DGKI: variants seen among roughly 807,000 people sequenced by gnomAD.
DGKI encodes the protein diacylglycerol kinase iota.
In DGKI, 55 loss-of-function variants were observed where a neutral mutation model predicts 147.5. That is an observed-to-expected ratio of 0.37 (90% CI 0.30 to 0.47). The LOEUF is 0.47. Among genes scored for constraint, DGKI ranks in the 20% least tolerant of loss-of-function variants. DGKI has a pLI of 1.00. For synonymous variants in DGKI, 469 were observed against 477.1 expected, an observed-to-expected ratio of 0.98 and a Z score of 0.22; for missense variants, 1,007 against 1,323.8, an observed-to-expected ratio of 0.76 and a Z score of 3.71.
At chr7:137,434,600 CA>C (rs1282849822) in intron 28 of DGKI, among the ~76,000 whole-genome samples, 3 of 151,782 alleles carry the variant, frequency 2.0e-5, no homozygotes, top group Non-Finnish European at 4.4e-5. Context: ...CAAAAACAAA[CA>C]AAAAAGAGTA....
In DGKI at chr7:137,382,585, T is replaced by C. The variant is rs1811085632; in HGVS notation, c.*8635A>G. ...AAGCCACTTTGAACAAATTTAATCT[T>C]TCTGTATGTTTCCTGAGTTTGATTT... On this transcript the variant is annotated 3_prime_UTR_variant, in exon 33 of 33. Coordinates refer to ENST00000614521, the MANE Select transcript of DGKI (RefSeq NM_001321708.2). 6.6e-6 allele frequency: 1 copy of C among 152,138 alleles called. No individual in the cohort carries two copies. Among genetic ancestry groups the C allele is most frequent in the South Asian group, 2.1e-4 (1 of 4,832 alleles). 9.4% of individuals were successfully genotyped at this position (152,138 alleles called of 1,614,324 possible).
chr7:137,449,459 T>C (rs1249321950), intron 27 of DGKI, among the ~76,000 whole-genome samples: 1 of 152,208 alleles, frequency 6.6e-6, no homozygotes, highest in African/African-American at 2.4e-5. Flanking sequence ...AATTAGACTC[T>C]TACTGCACAC....
intron 21 of DGKI, among the ~76,000 whole-genome samples, chr7:137,502,391 T>C (rs1816206439): frequency 6.6e-6 from 1 of 152,144 alleles, no homozygotes; most frequent in Non-Finnish European, 1.5e-5. Context: ...TTGCATAGCA[T>C]TGTGTCATAT....
intron 3 of DGKI, among the ~76,000 whole-genome samples, chr7:137,664,688 G>A (rs1822572595): frequency 6.6e-6 from 1 of 152,136 alleles, no homozygotes; most frequent in Admixed American, 6.5e-5. Flanking sequence ...TGCAGGAGTG[G>A]AGAGAAAACA....
intron 21 of DGKI, among the ~76,000 whole-genome samples, chr7:137,491,103 A>G (rs1178910423): frequency 6.6e-6 from 1 of 152,206 alleles, no homozygotes; most frequent in Non-Finnish European, 1.5e-5. Flanking sequence ...CTAAACCACT[A>G]GTGGGTATAG....
At chr7:137,473,819 A>G (rs1585149688) in intron 23 of DGKI, among the ~76,000 whole-genome samples, 1 of 151,898 alleles carries the variant, frequency 6.6e-6, no homozygotes, top group South Asian at 2.2e-4. Flanking sequence ...AAACAAAGGG[A>G]AAAAATGTAT....
intron 17 of DGKI, among the ~76,000 whole-genome samples, chr7:137,573,470 T>C (rs1316706192): frequency 1.3e-5 from 2 of 152,194 alleles, no homozygotes; most frequent in Non-Finnish European, 2.9e-5. Context: ...AATGGCGTGA[T>C]CTCAGCTCAC....
At chr7:137,584,458 T>C (rs1819315022) in intron 14 of DGKI, among the ~76,000 whole-genome samples, 1 of 152,206 alleles carries the variant, frequency 6.6e-6, no homozygotes, top group African/African-American at 2.4e-5. Flanking sequence ...CTTGGTTTGC[T>C]TTTCGGTTGA....
chr7:137,410,618 CA>C (rs796542996), intron 29 of DGKI, among the ~76,000 whole-genome samples: 1 of 151,524 alleles, frequency 6.6e-6, no homozygotes, highest in African/African-American at 2.4e-5. Context: ...TTTAAAAGTA[CA>C]AAAAAAAGTG....
At chr7:137,814,158 G>C (rs1008368386) in intron 1 of DGKI, among the ~76,000 whole-genome samples, 1 of 152,138 alleles carries the variant, frequency 6.6e-6, no homozygotes, top group African/African-American at 2.4e-5. Flanking sequence ...TGAGGAATGG[G>C]AGGAGGAAGC....
At chr7:137,826,388 CA>C (rs1383040848) in intron 1 of DGKI, among the ~76,000 whole-genome samples, 1 of 152,192 alleles carries the variant, frequency 6.6e-6, no homozygotes, top group African/African-American at 2.4e-5. Flanking sequence ...GACTTTCCTC[CA>C]CAATGTTGCA....
intron 3 of DGKI, among the ~76,000 whole-genome samples, chr7:137,671,922 C>G (rs1822854968): frequency 6.6e-6 from 1 of 152,198 alleles, no homozygotes; most frequent in African/African-American, 2.4e-5. Flanking sequence ...AAAGCAGTAC[C>G]TATTAGCTGG....
At chr7:137,555,465 G>T (rs114959691) in intron 19 of DGKI, among the ~76,000 whole-genome samples, 3 of 151,764 alleles carry the variant, frequency 2.0e-5, no homozygotes, top group African/African-American at 7.3e-5. Context: ...GGTCAAGGCC[G>T]CAGTGAGCTA....
At chr7:137,823,906 A>T (rs772298755) in intron 1 of DGKI, among the ~76,000 whole-genome samples, 5 of 152,262 alleles carry the variant, frequency 3.3e-5, no homozygotes, top group Non-Finnish European at 5.9e-5. Context: ...CAATAATACA[A>T]GAAAGAAAAG....
intron 21 of DGKI, among the ~76,000 whole-genome samples, chr7:137,496,143 G>A (rs1156894495): frequency 6.6e-6 from 1 of 151,872 alleles, no homozygotes; most frequent in African/African-American, 2.4e-5. Flanking sequence ...CAAAAAATCA[G>A]TAGCATTCCT....
intron 14 of DGKI, among the ~76,000 whole-genome samples, chr7:137,583,802 AAC>A (rs1339844707): frequency 6.6e-6 from 1 of 152,208 alleles, no homozygotes; most frequent in South Asian, 2.1e-4. Flanking sequence ...CTATAAGTCA[AAC>A]ACATTAAAAA....
chr7:137,638,468 ATATATGTG>A (rs1821427124), intron 6 of DGKI, among the ~76,000 whole-genome samples: 1 of 121,478 alleles, frequency 8.2e-6, no homozygotes, highest in South Asian at 2.5e-4. Context: ...ATATGTGTGT[ATATATGTG>A]TGTATATATA....
chr7:137,463,868 G>T (rs1814548698), intron 26 of DGKI, among the ~76,000 whole-genome samples: 1 of 152,184 alleles, frequency 6.6e-6, no homozygotes, highest in Non-Finnish European at 1.5e-5. Context: ...ACATGAATAA[G>T]AAGTAATAGA....
At chr7:137,533,024 G>A (rs552796790) in intron 20 of DGKI, among the ~76,000 whole-genome samples, 2 of 152,126 alleles carry the variant, frequency 1.3e-5, no homozygotes, top group African/African-American at 4.8e-5. Context: ...GTCAGTTGGG[G>A]CCAGGTGCAG....
Sources: allele counts gnomAD v4.1 joint callset (sites outside exome capture counted in the v4.1 genomes callset), GRCh38; gene constraint gnomAD v4.1.1; transcripts MANE v1.5; gene names NCBI Gene and HGNC (gene_info 2026-07-23, HGNC 2026-07-21).